Variants in ABHD2 observed in about 807,000 individuals in gnomAD.
The protein encoded by ABHD2 is monoacylglycerol lipase ABHD2.
In ABHD2, 20 loss-of-function variants were observed where a neutral mutation model predicts 48.1. That is an observed-to-expected ratio of 0.42 (90% CI 0.29 to 0.60). The LOEUF is 0.60. Among genes scored for constraint, ABHD2 ranks in the 20% least tolerant of loss-of-function variants. The pLI, the probability that ABHD2 is intolerant of heterozygous loss-of-function variation, is 0.24. For missense variants in ABHD2, 405 were observed against 550.9 expected (o/e 0.74, Z 2.65); for synonymous variants, 209 against 214.2 (o/e 0.98, Z 0.21).
the ABHD2 span, among the ~76,000 whole-genome samples, chr15:89,054,998 G>A: frequency 1.3e-5 from 2 of 152,198 alleles, no homozygotes; most frequent in African/African-American, 4.8e-5. Flanking sequence ...GGCTGAGGTT[G>A]GAGGATCACT....
chr15:89,175,367 AG>A lies in ABHD2; in HGVS notation c.539-443del, dbSNP rs1404405004. ...AGCCTCCTAAGTAGCGGGGACTACA[AG>A]GACACACCTGTAGTGTGTAGAGGTG... On this transcript the variant is annotated intron_variant, in intron 5 of 10. Coordinates refer to ENST00000352732, the MANE Select transcript of ABHD2 (RefSeq NM_152924.5). This position sits in a 1 kb window ranked among gnomAD's most constrained non-coding sequence, Gnocchi z 5.7. Among the ~76,000 whole-genome samples, 2 of 152,098 alleles carry A rather than the reference AG, an allele frequency of 1.3e-5. No individual in the cohort carries two copies. Among genetic ancestry groups the A allele is most frequent in the African/African-American group, 4.8e-5 (2 of 41,480 alleles).
Position 89,116,195 on chromosome 15 carries a change from G to A in ABHD2, c.-6-127G>A, listed in dbSNP as rs541198330. On this transcript the variant is annotated intron_variant, in intron 2 of 10. Coordinates refer to ENST00000352732, the MANE Select transcript of ABHD2 (RefSeq NM_152924.5). The surrounding 1 kb of genome is among the most constrained non-coding windows in gnomAD (Gnocchi z 4.6). Reference sequence around the variant, plus strand: ...TGGTGTCTGCCTGTCAGGAGCCTGCGGAAACATCTGAATTGTGACACACCG... The same window carrying A: ...TGGTGTCTGCCTGTCAGGAGCCTGCAGAAACATCTGAATTGTGACACACCG... 7.4e-4 allele frequency: 636 copies of A among 862,988 alleles called. 3 individuals carry two copies. Among genetic ancestry groups the A allele is most frequent in the Middle Eastern group, 4.0e-3 (11 of 2,732 alleles). The allele number at this position is 862,988 out of a possible 1,614,324, so 53.5% of individuals were successfully genotyped here.
In ABHD2 at chr15:89,100,504, A is replaced by C. The variant is rs2049684433; in HGVS notation, c.-107+11941A>C. 6.6e-6 allele frequency among the ~76,000 whole-genome samples: 1 copy of C among 152,172 alleles called. No individual in the cohort carries two copies. Among genetic ancestry groups the C allele is most frequent in the African/African-American group, 2.4e-5 (1 of 41,416 alleles). ...CCTCTCTACCCCACCACCAATGTAC[A>C]TCTACAGAAAGCATCTCAATGAAGC... On this transcript the variant is annotated intron_variant, in intron 1 of 10. Transcript: ENST00000352732. The surrounding 1 kb of genome is among the most constrained non-coding windows in gnomAD (Gnocchi z 4.4).
rs544498191 is a variant in ABHD2 at position 89,134,891 on chromosome 15, CAAAAG to C, written c.195-16782_195-16778del. On this transcript the variant is annotated intron_variant, in intron 3 of 10. Coordinates refer to ENST00000352732, the MANE Select transcript of ABHD2 (RefSeq NM_152924.5). ...TAGTAATGATCTATATAATTACTGA[CAAAAG>C]AAACATAATTTTCATTAAATATTTG... 1.1e-4 allele frequency among the ~76,000 whole-genome samples: 16 copies of C among 152,120 alleles called. No homozygotes were observed. The East Asian group carries it at 3.1e-3, about 29-fold the overall frequency.
Position 89,171,313 on chromosome 15 carries a change from A to G in ABHD2, c.539-4499A>G, listed in dbSNP as rs60467845. On this transcript the variant is annotated intron_variant, in intron 5 of 10. Coordinates refer to ENST00000352732, the MANE Select transcript of ABHD2 (RefSeq NM_152924.5). ...GCTCATTGAGCCCCTTGAGTTTCTG[A>G]TTCCGTGGGTTTGGGGTGAGGTCCA... 3.4e-3 allele frequency among the ~76,000 whole-genome samples: 513 copies of G among 152,176 alleles called. 2 individuals carry two copies. The highest frequency in any genetic ancestry group is 0.011 in the African/African-American group (474 of 41,532).
Position 89,092,696 on chromosome 15 carries a change from CAT to C in ABHD2, c.-107+4136_-107+4137del, listed in dbSNP as rs1901643645. Among the ~76,000 whole-genome samples, 1 of 152,226 alleles carries C rather than the reference CAT, an allele frequency of 6.6e-6. No individual in the cohort carries two copies. Among genetic ancestry groups the C allele is most frequent in the Non-Finnish European group, 1.5e-5 (1 of 68,046 alleles). On this transcript the variant is annotated intron_variant, in intron 1 of 10. Transcript: ENST00000352732. The surrounding 1 kb of genome is among the most constrained non-coding windows in gnomAD (Gnocchi z 4.4). ...TACATCTGTAAGCAAATTCGTTAAA[CAT>C]ATTCTGTACACCACCCCTTTTTGCA... is the stretch of plus-strand genomic sequence containing the variant.
At chr15:89,122,443 C>T (rs1435993044) in intron 3 of ABHD2, among the ~76,000 whole-genome samples, 2 of 152,208 alleles carry the variant, frequency 1.3e-5, no homozygotes, top group Non-Finnish European at 2.9e-5. Context: ...CTCATTTTGG[C>T]AGACGCCATG....
At chr15:89,103,883 A>G (rs988554483) in intron 1 of ABHD2, 4 of 152,140 alleles carry the variant, frequency 2.6e-5, no homozygotes, top group African/African-American at 9.7e-5. Context: ...CTATCTCACA[A>G]TATCCCTTTT....
rs2051249929 is a variant in ABHD2, at chr15:89,188,433, G to A, written c.926+130G>A. 4 of 680,494 alleles carry A rather than the reference G, an allele frequency of 5.9e-6. No homozygotes were observed. The highest frequency in any genetic ancestry group is 9.9e-6 in the Non-Finnish European group (4 of 405,444). The allele number at this position is 680,494 out of a possible 1,614,324, so 42.2% of individuals were successfully genotyped here. ...GTTAAGGGTGTTTTTTTCCCTTTAA[G>A]TAAGTGTCTAGTGCTTAAAAACAGA... On this transcript the variant is annotated intron_variant, in intron 8 of 10. Transcript: ENST00000352732. This position sits in a 1 kb window ranked among gnomAD's most constrained non-coding sequence, Gnocchi z 4.1.
At chr15:89,190,906 G>A (rs1218713447) in intron 8 of ABHD2, among the ~76,000 whole-genome samples, 174 bp from the exon 9 acceptor site, 1 of 152,134 alleles carries the variant, frequency 6.6e-6, no homozygotes, top group Non-Finnish European at 1.5e-5. Flanking sequence ...GTTAGTGCAG[G>A]ATCTGGAACA....
At chr15:89,063,719 C>A in the ABHD2 span, among the ~76,000 whole-genome samples, 3 of 152,282 alleles carry the variant, frequency 2.0e-5, no homozygotes, top group East Asian at 3.9e-4. Context: ...TGTTATACAT[C>A]TATCACCACG....
chr15:89,075,097 G>A, the ABHD2 span, among the ~76,000 whole-genome samples: 4 of 152,108 alleles, frequency 2.6e-5, no homozygotes, highest in Admixed American at 1.3e-4. This position sits in a 1 kb window ranked among gnomAD's most constrained non-coding sequence, Gnocchi z 4.1. Context: ...TTGAACAAGC[G>A]TGTTTTAGTG....
At chr15:89,064,194 A>G in the ABHD2 span, among the ~76,000 whole-genome samples, 6 of 140,596 alleles carry the variant, frequency 4.3e-5, no homozygotes, top group African/African-American at 1.3e-4. Context: ...CTTTCTTTGT[A>G]TGTATTTATA....
At chr15:89,053,411 C>T in the ABHD2 span, among the ~76,000 whole-genome samples, 1 of 152,156 alleles carries the variant, frequency 6.6e-6, no homozygotes, top group African/African-American at 2.4e-5. Flanking sequence ...AGCATAATCT[C>T]ACCACCCTAG....
rs1021224774 is a variant in ABHD2 at position 89,100,059 on chromosome 15, G to T, written c.-107+11496G>T. On this transcript the variant is annotated intron_variant, in intron 1 of 10. Transcript: ENST00000352732. The surrounding 1 kb of genome is among the most constrained non-coding windows in gnomAD (Gnocchi z 4.4). ...CTGGGCAGCCGGTAGAGGAGCTTAT[G>T]GTCTGGAATGGGAGAAGGAACGTGT... is the stretch of plus-strand genomic sequence containing the variant. Among the ~76,000 whole-genome samples the T allele has an allele frequency of 6.6e-6, 1 of 152,130 alleles. No individual in the cohort carries two copies. The highest frequency in any genetic ancestry group is 2.4e-5 in the African/African-American group (1 of 41,426).
At chr15:89,121,052 A>G (rs899453712) in intron 3 of ABHD2, among the ~76,000 whole-genome samples, 8 of 152,210 alleles carry the variant, frequency 5.3e-5, no homozygotes, top group Non-Finnish European at 7.3e-5. Flanking sequence ...TGACTTTTTT[A>G]TAGCTTCAGA....
rs774110157 is a variant in ABHD2 at position 89,116,710 on chromosome 15, C to A, written c.194+189C>A. On this transcript the variant is annotated intron_variant, in intron 3 of 10. Coordinates refer to ENST00000352732, the MANE Select transcript of ABHD2 (RefSeq NM_152924.5). This position sits in a 1 kb window ranked among gnomAD's most constrained non-coding sequence, Gnocchi z 4.6. ...CCTGGAGGGTAGGAGAGAATCAGAT[C>A]TCTGTTGCCTGAAACATTCCTTCCT... is the stretch of plus-strand genomic sequence containing the variant. 6.6e-6 allele frequency among the ~76,000 whole-genome samples: 1 copy of A among 152,210 alleles called. No homozygotes were observed. Among genetic ancestry groups the A allele is most frequent in the Non-Finnish European group, 1.5e-5 (1 of 68,040 alleles).
chr15:89,099,759 C>T (rs1387067078), intron 1 of ABHD2, among the ~76,000 whole-genome samples: 2 of 151,908 alleles, frequency 1.3e-5, no homozygotes, highest in Non-Finnish European at 2.9e-5. Flanking sequence ...TAAAACTAAG[C>T]TGGGCATGGT....
At chr15:89,154,015 A>G (rs914920836) in intron 4 of ABHD2, among the ~76,000 whole-genome samples, 2 of 152,262 alleles carry the variant, frequency 1.3e-5, no homozygotes, top group Non-Finnish European at 2.9e-5. Flanking sequence ...CAATAATTAT[A>G]TCATCCTTCA....
Sources: gnomAD v4.1 joint callset for allele counts (sites outside exome capture counted in the v4.1 genomes callset) on GRCh38, gnomAD v4.1.1 for gene constraint, Gnocchi (gnomAD v3.1) non-coding constraint, MANE v1.5 for transcripts, NCBI Gene and HGNC (gene_info 2026-07-23, HGNC 2026-07-21) for gene names.